Variants in DNAH12 observed in about 807,000 individuals in gnomAD.
The protein encoded by DNAH12 is axonemal beta dynein heavy chain 12.
In DNAH12, 285 loss-of-function variants were observed where a neutral mutation model predicts 371.5. The ratio of observed to expected loss-of-function variants is 0.77; its 90% CI spans 0.70 to 0.85. The LOEUF is 0.85. Among genes scored for constraint, DNAH12 ranks in the 40% least tolerant of loss-of-function variants. DNAH12 has a pLI of 0.00. For synonymous variants in DNAH12, 1,200 were observed against 1,213.0 expected, an observed-to-expected ratio of 0.99 and a Z score of 0.22; for missense variants, 3,611 against 3,689.4, an observed-to-expected ratio of 0.98 and a Z score of 0.55.
At chr3:57,356,624 C>T (rs2062807942) in intron 59 of DNAH12, among the ~76,000 whole-genome samples, 1 of 151,872 alleles carries the variant, frequency 6.6e-6, no homozygotes, top group African/African-American at 2.4e-5. Flanking sequence ...AAGAAAAAAA[C>T]TAAAGTTAAT....
At chr3:57,508,212 A>C (rs11928097) in intron 7 of DNAH12, among the ~76,000 whole-genome samples, 170 bp downstream of exon 7, 29,166 of 150,196 alleles carry the variant, frequency 0.19, 3,201 homozygotes, top group African/African-American at 0.27. Flanking sequence ...AAAAAAAAAA[A>C]AACCAAAAAA....
In DNAH12 at chr3:57,301,265, C is replaced by CA. The variant is rs71088054; in HGVS notation, c.11394+469dup. ...TGGATGACAGAGCAAGACCCTGTCT[C>CA]AAAAAAAAAAAAAAAAAAAAAAAAA... On this transcript the variant is annotated intron_variant, in intron 70 of 73. Coordinates refer to ENST00000495027, the MANE Select transcript of DNAH12 (RefSeq NM_001366028.2). Among the ~76,000 whole-genome samples the CA allele has an allele frequency of 3.3e-3, 141 of 43,042 alleles. 14 individuals are homozygous for CA. Among genetic ancestry groups the CA allele is most frequent in the Non-Finnish European group, 4.2e-3 (105 of 25,240 alleles). 28.2% of individuals were successfully genotyped at this position (43,042 alleles called of 152,430 possible).
intron 22 of DNAH12, among the ~76,000 whole-genome samples, chr3:57,455,788 T>A: frequency 6.6e-6 from 1 of 152,182 alleles, no homozygotes; most frequent in Middle Eastern, 3.2e-3. Context: ...CCATCTATAG[T>A]TTTGAATTCA....
At chr3:57,325,352 C>T (rs2061917582) in intron 62 of DNAH12, among the ~76,000 whole-genome samples, 1 of 152,350 alleles carries the variant, frequency 6.6e-6, no homozygotes, top group Admixed American at 6.5e-5. Context: ...CCTCACACGG[C>T]TGGGTACTCC....
Position 57,408,263 on chromosome 3 carries a change from T to C in DNAH12, c.6276+17A>G, listed in dbSNP as rs1435300424. ...AATATGTAATACTAAAACATTTACA[T>C]TGCATTATTGACTGACCTCCATAGT... is the stretch of plus-strand genomic sequence containing the variant. On this transcript the variant is annotated intron_variant, in intron 40 of 73. Coordinates refer to ENST00000495027, the MANE Select transcript of DNAH12 (RefSeq NM_001366028.2). 7.3e-6 allele frequency: 11 copies of C among 1,507,982 alleles called. No homozygotes were observed. The highest frequency in any genetic ancestry group is 4.7e-5 in the Admixed American group (2 of 42,238). The allele number at this position is 1,507,982 out of a possible 1,614,324, so 93.4% of individuals were successfully genotyped here.
intron 62 of DNAH12, among the ~76,000 whole-genome samples, chr3:57,333,790 A>G (rs2062162491): frequency 6.6e-6 from 1 of 152,218 alleles, no homozygotes; most frequent in Admixed American, 6.5e-5. Flanking sequence ...CTCATCAACA[A>G]TGTGATATTC....
chr3:57,419,439 T>C lies in DNAH12; in HGVS notation c.5642A>G (p.Gln1881Arg). ...TNLGDKQIKI[Q>R]DIIVPTMDTI... The stretch of plus-strand genomic sequence containing the variant: ...GTCCATCGTAGGGACTATGATATCT[T>C]GAATCTTGATTTGTTTATCTCCTAA... The change falls in exon 37 of 74, where the codon CAA becomes CGA. Residue 1881 changes from glutamine to arginine, a missense_variant. Transcript: ENST00000495027. 6.6e-7 allele frequency: 1 copy of C among 1,505,932 alleles called. No individual in the cohort carries two copies. The highest frequency in any genetic ancestry group is 8.8e-7 in the Non-Finnish European group (1 of 1,130,664). 93.3% of individuals were successfully genotyped at this position (1,505,932 alleles called of 1,614,324 possible). A position where few individuals can be genotyped will look rare whatever the true frequency, so the allele number is the denominator to read the frequency against.
intron 10 of DNAH12, 127 bp from the exon 11 acceptor site, chr3:57,501,539 CAT>C: frequency 1.6e-6 from 1 of 615,352 alleles, no homozygotes; most frequent in South Asian, 2.5e-5. Flanking sequence ...TATTAACATA[CAT>C]GATTTACTAT....
At chr3:57,445,453 C>T in intron 27 of DNAH12, 34 bp from the exon 28 acceptor site, 1 of 1,429,278 alleles carries the variant, frequency 7.0e-7, no homozygotes, top group Non-Finnish European at 9.2e-7. Context: ...ATATTACGTA[C>T]ATAAATGAAG....
chr3:57,439,079 T>C (rs1039051896), intron 29 of DNAH12, among the ~76,000 whole-genome samples: 2 of 151,794 alleles, frequency 1.3e-5, no homozygotes, highest in Non-Finnish European at 2.9e-5. Context: ...TGGAAAAACA[T>C]CCCATGCTCA....
chr3:57,463,055 C>T (rs9813266), intron 17 of DNAH12, among the ~76,000 whole-genome samples, 180 bp from the exon 18 acceptor site: 64,434 of 151,788 alleles, frequency 0.42, 15,244 homozygotes, highest in South Asian at 0.57. Context: ...GAAAATGAAC[C>T]TAAAGTTCCC....
At position 57,385,386 on chromosome 3, in the gene DNAH12, A is replaced by C. The variant is rs1225455563; in HGVS notation, c.7646T>G (p.Leu2549Trp). The C allele has an allele frequency of 6.6e-6, 1 of 152,216 alleles. No individual in the cohort carries two copies. Among genetic ancestry groups the C allele is most frequent in the Non-Finnish European group, 1.5e-5 (1 of 68,022 alleles). The allele number at this position is 152,216 out of a possible 1,614,324, so 9.4% of individuals were successfully genotyped here. The stretch of plus-strand genomic sequence containing the variant: ...TGCATTTTCAATTTTAGCTTCCTCC[A>C]ATTTGGGCTGTAATTCAACAAGCTC... ...QMELVELQPK[L>W]EEAKIENANM... The change falls in exon 48 of 74, where the codon TTG becomes TGG. Residue 2549 changes from leucine to tryptophan, a missense_variant. Physicochemically the swap from Leu to Trp is moderately conservative, Grantham distance 61 (BLOSUM62 -2). Transcript: ENST00000495027.
intron 17 of DNAH12, among the ~76,000 whole-genome samples, chr3:57,465,015 T>C (rs1477665975): frequency 6.6e-6 from 1 of 152,174 alleles, no homozygotes; most frequent in Non-Finnish European, 1.5e-5. Context: ...CAATGTAATA[T>C]GGGTGGATAT....
intron 1 of DNAH12, among the ~76,000 whole-genome samples, chr3:57,543,149 A>G (rs183415831): frequency 5.7e-4 from 87 of 152,146 alleles, no homozygotes; most frequent in Non-Finnish European, 3.7e-4. Context: ...CTAATGGATG[A>G]AACTAAGGAA....
At chr3:57,395,493 C>G (rs1315406479) in intron 43 of DNAH12, among the ~76,000 whole-genome samples, 1 of 152,072 alleles carries the variant, frequency 6.6e-6, no homozygotes, top group Non-Finnish European at 1.5e-5. Context: ...ATATTGTACA[C>G]AAAAACAACT....
intron 13 of DNAH12, among the ~76,000 whole-genome samples, chr3:57,478,459 G>A (rs375485993): frequency 0.024 from 3,652 of 152,320 alleles, 66 homozygotes; most frequent in Non-Finnish European, 0.034. Flanking sequence ...TGGTGTACCT[G>A]AAAGTGACGG....
At chr3:57,542,426 T>C (rs1559767773) in intron 2 of DNAH12, among the ~76,000 whole-genome samples, 1 of 152,194 alleles carries the variant, frequency 6.6e-6, no homozygotes, top group Non-Finnish European at 1.5e-5. Context: ...AACTTCTCTA[T>C]ACCTCAGTAT....
chr3:57,549,314 G>A (rs1305395350), upstream of DNAH12, among the ~76,000 whole-genome samples: 2 of 152,024 alleles, frequency 1.3e-5, no homozygotes, highest in African/African-American at 4.8e-5. Context: ...TCAGGAGTTC[G>A]AGACCAGCCT....
At chr3:57,413,982 T>A (rs2064287424) in intron 38 of DNAH12, 70 bp from the exon 39 acceptor site, 13 of 1,466,448 alleles carry the variant, frequency 8.9e-6, no homozygotes, top group South Asian at 1.4e-5. Context: ...TTATATTAAA[T>A]CAGTATCAAC....
Sources: gnomAD v4.1 joint callset for allele counts (sites outside exome capture counted in the v4.1 genomes callset) on GRCh38, gnomAD v4.1.1 for gene constraint, MANE v1.5 for transcripts, NCBI Gene and HGNC (gene_info 2026-07-23, HGNC 2026-07-21) for gene names.